The following CACNA2D1 variants were observed in gnomAD, a reference collection of about 807,000 sequenced individuals.
CACNA2D1 encodes voltage-dependent calcium channel subunit alpha-2/delta-1.
CACNA2D1 carries 53 observed loss-of-function variants against 171.5 expected under a neutral mutation model. The ratio of observed to expected loss-of-function variants is 0.31; its 90% CI spans 0.25 to 0.39. The LOEUF (loss-of-function observed/expected upper bound fraction) is 0.39. Among genes scored for constraint, CACNA2D1 ranks in the 10% least tolerant of loss-of-function variants. The pLI is 1.00. For missense variants in CACNA2D1, 903 were observed against 1,299.8 expected, an observed-to-expected ratio of 0.69 and a Z score of 4.69; for synonymous variants, 442 against 443.1, an observed-to-expected ratio of 1.00 and a Z score of 0.03.
At chr7:82,116,326 G>A (rs1440116282) in intron 6 of CACNA2D1, among the ~76,000 whole-genome samples, 1 of 152,164 alleles carries the variant, frequency 6.6e-6, no homozygotes, top group Non-Finnish European at 1.5e-5. Flanking sequence ...CTCAGGCTCT[G>A]CTCTGATTAA....
chr7:81,988,182 C>A (rs1285316588), intron 21 of CACNA2D1, among the ~76,000 whole-genome samples: 4 of 152,064 alleles, frequency 2.6e-5, no homozygotes, highest in Non-Finnish European at 5.9e-5. Context: ...CATACGATGC[C>A]CTGATACTTT....
Position 81,966,761 on chromosome 7 carries a change from G to A in CACNA2D1, c.2502+408C>T, listed in dbSNP as rs553435258. Among the ~76,000 whole-genome samples the A allele has an allele frequency of 2.0e-5, 3 of 151,392 alleles. No individual in the cohort carries two copies. In the South Asian group the frequency reaches 6.2e-4, roughly 31 times the overall value. ...CAGGTTTAGTTAAAACATTTTTCCTGTAACTATATAATACAGTGTGAACAA... is the reference window on the plus strand; with the variant it reads ...CAGGTTTAGTTAAAACATTTTTCCTATAACTATATAATACAGTGTGAACAA... On this transcript the variant is annotated intron_variant, in intron 31 of 38. Transcript: ENST00000356860.
At chr7:82,226,322 C>T (rs1802359458) in intron 3 of CACNA2D1, among the ~76,000 whole-genome samples, 1 of 152,298 alleles carries the variant, frequency 6.6e-6, no homozygotes, top group Non-Finnish European at 1.5e-5. Flanking sequence ...CATTTCACAT[C>T]TGTTTTCTTA....
chr7:82,161,714 A>G (rs1321879464), intron 4 of CACNA2D1, among the ~76,000 whole-genome samples: 1 of 152,082 alleles, frequency 6.6e-6, no homozygotes, highest in Non-Finnish European at 1.5e-5. Flanking sequence ...TGCGAATGTT[A>G]GTCTTGACAT....
chr7:82,251,979 A>G (rs905536693), intron 3 of CACNA2D1, among the ~76,000 whole-genome samples: 5 of 152,234 alleles, frequency 3.3e-5, no homozygotes, highest in African/African-American at 9.6e-5. Flanking sequence ...TGATATATGT[A>G]CTTTGGAATA....
intron 3 of CACNA2D1, among the ~76,000 whole-genome samples, chr7:82,296,716 T>G (rs890476762): frequency 6.6e-6 from 1 of 152,174 alleles, no homozygotes; most frequent in African/African-American, 2.4e-5. Context: ...ACATTCTTTA[T>G]GATTTCATTT....
chr7:82,022,222 A>AACAC (rs71520795), intron 12 of CACNA2D1, among the ~76,000 whole-genome samples: 4,600 of 145,778 alleles, frequency 0.032, 106 homozygotes, highest in African/African-American at 0.07. Context: ...CAGAGACAAG[A>AACAC]ACACACACAC....
At chr7:82,159,787 CATT>C (rs1264436032) in intron 4 of CACNA2D1, among the ~76,000 whole-genome samples, 1 of 117,362 alleles carries the variant, frequency 8.5e-6, no homozygotes, top group Non-Finnish European at 1.8e-5. Flanking sequence ...ATGAAAAGGA[CATT>C]ATTAGTGACA....
chr7:82,387,257 G>A (rs1472466169), intron 1 of CACNA2D1, among the ~76,000 whole-genome samples: 1 of 152,126 alleles, frequency 6.6e-6, no homozygotes, highest in East Asian at 1.9e-4. Flanking sequence ...AATATGTTGT[G>A]ATGTATCTCT....
chr7:82,171,725 T>A (rs1164497311), intron 3 of CACNA2D1, among the ~76,000 whole-genome samples: 1 of 152,122 alleles, frequency 6.6e-6, no homozygotes, highest in Non-Finnish European at 1.5e-5. Context: ...TGGTTTGCCT[T>A]ATGCAGCTAG....
intron 3 of CACNA2D1, among the ~76,000 whole-genome samples, chr7:82,185,968 C>T (rs1225761695): frequency 6.6e-6 from 1 of 151,770 alleles, no homozygotes; most frequent in African/African-American, 2.4e-5. Context: ...ACCAGCCTGA[C>T]CAACATGGTA....
intron 3 of CACNA2D1, among the ~76,000 whole-genome samples, chr7:82,194,225 T>C (rs1798627441): frequency 6.6e-6 from 1 of 152,016 alleles, no homozygotes; most frequent in Non-Finnish European, 1.5e-5. Flanking sequence ...TCAATTATCA[T>C]AAGCAACCTC....
At chr7:82,249,527 T>G (rs558002625) in intron 3 of CACNA2D1, among the ~76,000 whole-genome samples, 62 of 152,342 alleles carry the variant, frequency 4.1e-4, no homozygotes, top group African/African-American at 1.4e-3. Flanking sequence ...CCTTGGTTCT[T>G]AACTTCTTCA....
At chr7:82,413,500 C>T (rs1252845065) in intron 1 of CACNA2D1, among the ~76,000 whole-genome samples, 1 of 152,172 alleles carries the variant, frequency 6.6e-6, no homozygotes, top group Non-Finnish European at 1.5e-5. Context: ...CTCTCAAGCC[C>T]CATCATTCCT....
chr7:82,030,796 T>G (rs1179566259), intron 12 of CACNA2D1, among the ~76,000 whole-genome samples: 2 of 151,920 alleles, frequency 1.3e-5, no homozygotes, highest in African/African-American at 4.8e-5. Flanking sequence ...CCCTTCCAAT[T>G]ATCAGAGTAA....
At chr7:82,039,833 A>T (rs1034884221) in intron 10 of CACNA2D1, among the ~76,000 whole-genome samples, 1 of 152,200 alleles carries the variant, frequency 6.6e-6, no homozygotes, top group Non-Finnish European at 1.5e-5. Flanking sequence ...AAACATAAAG[A>T]GAGTGAGTTT....
intron 10 of CACNA2D1, among the ~76,000 whole-genome samples, chr7:82,055,954 T>G (rs1275978940): frequency 4.5e-5 from 4 of 89,284 alleles, no homozygotes; most frequent in Non-Finnish European, 9.1e-5. Context: ...ATATAATTTT[T>G]TAAAAAAAGG....
intron 4 of CACNA2D1, among the ~76,000 whole-genome samples, chr7:82,143,948 C>G: frequency 6.6e-6 from 1 of 152,126 alleles, no homozygotes. Context: ...TTTTCAGAAA[C>G]TGTTTATTCA....
chr7:82,387,888 C>T (rs1824594954), intron 1 of CACNA2D1, among the ~76,000 whole-genome samples: 1 of 151,950 alleles, frequency 6.6e-6, no homozygotes, highest in African/African-American at 2.4e-5. Flanking sequence ...CTAGACCAGC[C>T]TAGGCAAACA....
Sources: gnomAD v4.1 joint callset for allele counts (sites outside exome capture counted in the v4.1 genomes callset) on GRCh38, gnomAD v4.1.1 for gene constraint, MANE v1.5 for transcripts, NCBI Gene and HGNC (gene_info 2026-07-23, HGNC 2026-07-21) for gene names.